Variants in EPHB1 observed in about 807,000 individuals in gnomAD.
EPHB1 encodes EPH receptor B1, also known as ephrin type-B receptor 1.
EPHB1 carries 30 observed loss-of-function variants against 94.4 expected under a neutral mutation model. The observed-to-expected ratio is 0.32, with a 90% confidence interval of 0.24 to 0.43. The LOEUF (loss-of-function observed/expected upper bound fraction) is 0.43. Among genes scored for constraint, EPHB1 ranks in the 20% least tolerant of loss-of-function variants. The pLI, the probability that EPHB1 is intolerant of heterozygous loss-of-function variation, is 1.00. For synonymous variants in EPHB1, 522 were observed against 489.1 expected, an observed-to-expected ratio of 1.07 and a Z score of -0.89; for missense variants, 1,055 against 1,308.3, an observed-to-expected ratio of 0.81 and a Z score of 2.99.
intron 3 of EPHB1, among the ~76,000 whole-genome samples, chr3:135,019,304 C>G (rs1049604528): frequency 4.6e-5 from 7 of 152,104 alleles, no homozygotes; most frequent in African/African-American, 1.7e-4. Context: ...GTCCCTTAGG[C>G]TGGTCAAGCA....
At chr3:135,171,040 G>C (rs767447357) in intron 9 of EPHB1, among the ~76,000 whole-genome samples, 2 of 152,186 alleles carry the variant, frequency 1.3e-5, no homozygotes, top group Non-Finnish European at 2.9e-5. Context: ...AGAGGGCAGA[G>C]CACAGAGATT....
At chr3:135,016,908 A>G (rs763066928) in intron 3 of EPHB1, among the ~76,000 whole-genome samples, 2 of 152,178 alleles carry the variant, frequency 1.3e-5, no homozygotes, top group Non-Finnish European at 2.9e-5. Flanking sequence ...AGATTCCCAG[A>G]GTTCTCCTGC....
intron 12 of EPHB1, among the ~76,000 whole-genome samples, chr3:135,225,823 G>T (rs1943382784): frequency 6.6e-6 from 1 of 151,864 alleles, no homozygotes; most frequent in Admixed American, 6.6e-5. Flanking sequence ...CAGCCATACT[G>T]TAAACCGTAG....
chr3:135,123,331 G>A (rs1940054132), intron 4 of EPHB1, among the ~76,000 whole-genome samples: 1 of 152,162 alleles, frequency 6.6e-6, no homozygotes. Context: ...TTTGCATACA[G>A]TATTTATCAA....
At chr3:135,154,602 TC>T (rs1941295701) in intron 6 of EPHB1, among the ~76,000 whole-genome samples, 1 of 152,116 alleles carries the variant, frequency 6.6e-6, no homozygotes, top group Admixed American at 6.5e-5. Flanking sequence ...CTGCCAGGGG[TC>T]CCCGAACCTT....
At chr3:134,959,500 G>T (rs910144194) in intron 3 of EPHB1, among the ~76,000 whole-genome samples, 3 of 152,156 alleles carry the variant, frequency 2.0e-5, no homozygotes, top group Non-Finnish European at 4.4e-5. Flanking sequence ...TCTCACAAAT[G>T]ACCCTCTCTC....
At chr3:134,855,838 A>G (rs2037103891) in intron 1 of EPHB1, among the ~76,000 whole-genome samples, 1 of 152,172 alleles carries the variant, frequency 6.6e-6, no homozygotes, top group Non-Finnish European at 1.5e-5. Flanking sequence ...GGTGCCTGGC[A>G]CTCAACTGAG....
intron 15 of EPHB1, among the ~76,000 whole-genome samples, chr3:135,255,199 T>G (rs1435775572): frequency 6.6e-6 from 1 of 152,142 alleles, no homozygotes; most frequent in Admixed American, 6.5e-5. Flanking sequence ...GGGTTTTTTA[T>G]GTCTCTATTT....
At chr3:134,982,296 G>T (rs1473602232) in intron 3 of EPHB1, among the ~76,000 whole-genome samples, 1 of 152,080 alleles carries the variant, frequency 6.6e-6, no homozygotes, top group Non-Finnish European at 1.5e-5. Flanking sequence ...CCTTTTTGAT[G>T]AATGAATAAA....
chr3:135,069,325 A>C (rs1267736432), intron 3 of EPHB1, among the ~76,000 whole-genome samples: 2 of 152,042 alleles, frequency 1.3e-5, no homozygotes, highest in Non-Finnish European at 2.9e-5. Flanking sequence ...CCAGTTTTGC[A>C]AGTTCTGAGC....
At chr3:135,134,059 G>A (rs1217961048) in intron 5 of EPHB1, among the ~76,000 whole-genome samples, 1 of 152,214 alleles carries the variant, frequency 6.6e-6, no homozygotes, top group African/African-American at 2.4e-5. Context: ...AAATACCAAG[G>A]GAGTTAGAGA....
intron 3 of EPHB1, among the ~76,000 whole-genome samples, chr3:134,964,132 G>A (rs1559774324): frequency 6.6e-6 from 1 of 152,186 alleles, no homozygotes; most frequent in Non-Finnish European, 1.5e-5. Context: ...TTTGTGGAAG[G>A]AGAATATGAG....
At chr3:134,820,523 A>G (rs923158006) in intron 1 of EPHB1, among the ~76,000 whole-genome samples, 1 of 152,234 alleles carries the variant, frequency 6.6e-6, no homozygotes, top group African/African-American at 2.4e-5. Flanking sequence ...GTAACTTTTT[A>G]GCCTCCAGAG....
At chr3:134,829,185 T>C (rs1475125563) in intron 1 of EPHB1, among the ~76,000 whole-genome samples, 1 of 152,268 alleles carries the variant, frequency 6.6e-6, no homozygotes, top group African/African-American at 2.4e-5. Flanking sequence ...TTTAGCTGTC[T>C]TTGTTTAGCA....
At chr3:134,983,524 G>T (rs1176774499) in intron 3 of EPHB1, among the ~76,000 whole-genome samples, 2 of 152,248 alleles carry the variant, frequency 1.3e-5, no homozygotes, top group African/African-American at 4.8e-5. Flanking sequence ...GAGGGGTCAT[G>T]TTGGGGAGGC....
At chr3:135,061,610 A>G (rs1298541381) in intron 3 of EPHB1, among the ~76,000 whole-genome samples, 1 of 150,426 alleles carries the variant, frequency 6.6e-6, no homozygotes, top group Non-Finnish European at 1.5e-5. Flanking sequence ...TTTTTTTTTA[A>G]TTATACTTTA....
chr3:134,909,791 A>G (rs1032571778), intron 1 of EPHB1, among the ~76,000 whole-genome samples: 39 of 152,346 alleles, frequency 2.6e-4, no homozygotes, highest in Middle Eastern at 3.4e-3. Flanking sequence ...AGCCAAGTGG[A>G]CAAATGACTC....
intron 4 of EPHB1, among the ~76,000 whole-genome samples, chr3:135,129,739 T>A (rs1309368610): frequency 2.0e-5 from 3 of 152,206 alleles, no homozygotes; most frequent in Non-Finnish European, 4.4e-5. Flanking sequence ...AGATCATGAC[T>A]GCTGGGCCTC....
intron 3 of EPHB1, among the ~76,000 whole-genome samples, chr3:134,979,860 A>G (rs1473088956): frequency 3.9e-5 from 6 of 152,142 alleles, no homozygotes; most frequent in Non-Finnish European, 8.8e-5. Flanking sequence ...TCTAGTCAGT[A>G]TATGGTTGTA....
Sources: allele counts gnomAD v4.1 joint callset (sites outside exome capture counted in the v4.1 genomes callset), GRCh38; gene constraint gnomAD v4.1.1; transcripts MANE v1.5; gene names NCBI Gene and HGNC (gene_info 2026-07-23, HGNC 2026-07-21).